The following RETREG1 variants were observed in gnomAD, a reference collection of about 807,000 sequenced individuals.
RETREG1 encodes the protein family with sequence similarity 134 member B.
Under a neutral mutation model 54.8 loss-of-function variants are expected in RETREG1, and 44 were observed. The observed-to-expected ratio is 0.80, with a 90% CI of 0.63 to 1.03. The LOEUF (loss-of-function observed/expected upper bound fraction) is 1.03. Among genes scored for constraint, RETREG1 ranks in the 50% least tolerant of loss-of-function variants. The pLI is 0.00. For synonymous variants in RETREG1, 217 were observed against 238.5 expected, an observed-to-expected ratio of 0.91 and a Z score of 0.83; for missense variants, 554 against 605.1, an observed-to-expected ratio of 0.92 and a Z score of 0.89.
chr5:16,520,433 G>C (rs942732856), intron 3 of RETREG1, among the ~76,000 whole-genome samples: 43 of 152,122 alleles, frequency 2.8e-4, no homozygotes, highest in Admixed American at 7.8e-4. Flanking sequence ...GCGTTCAAGC[G>C]ATTCTCCTGC....
intron 3 of RETREG1, among the ~76,000 whole-genome samples, chr5:16,485,770 G>A (rs553645095): frequency 6.6e-6 from 1 of 152,200 alleles, no homozygotes; most frequent in South Asian, 2.1e-4. Flanking sequence ...ATTTTCCACA[G>A]GGGACTTCAA....
chr5:16,575,637 G>A (rs989066507), intron 1 of RETREG1, among the ~76,000 whole-genome samples: 7 of 152,230 alleles, frequency 4.6e-5, no homozygotes, highest in Non-Finnish European at 1.0e-4. Flanking sequence ...AAGAGCACTC[G>A]GGATGTCTGT....
At chr5:16,551,888 AG>A (rs955897178) in intron 3 of RETREG1, among the ~76,000 whole-genome samples, 5 of 152,070 alleles carry the variant, frequency 3.3e-5, no homozygotes, top group Admixed American at 2.0e-4. Flanking sequence ...CAGCTTCTAG[AG>A]GCCACCTGTT....
rs553310360 is a variant in RETREG1 at position 16,473,214 on chromosome 5, T to C, written c.*1527A>G. The C allele has an allele frequency of 6.6e-6, 1 of 152,628 alleles. No homozygotes were observed. Among genetic ancestry groups the C allele is most frequent in the Non-Finnish European group, 1.5e-5 (1 of 67,992 alleles). The allele number at this position is 152,628 out of a possible 1,614,324, so 9.5% of individuals were successfully genotyped here. On this transcript the variant is annotated 3_prime_UTR_variant, in exon 9 of 9. Transcript: ENST00000306320. ...ATAATGAAGGCACAGGCTCACTTTG[T>C]ATCAATAAAGGACATCAAACACAGT... is the stretch of plus-strand genomic sequence containing the variant.
chr5:16,518,720 C>A, intron 3 of RETREG1, among the ~76,000 whole-genome samples: 1 of 152,200 alleles, frequency 6.6e-6, no homozygotes, highest in Non-Finnish European at 1.5e-5. Context: ...AGGATTTTTG[C>A]TCAAGTCAGA....
In RETREG1 at chr5:16,595,171, C is replaced by T. The variant is rs538048377; in HGVS notation, c.320+21481G>A. 2.4e-4 allele frequency among the ~76,000 whole-genome samples: 37 copies of T among 152,290 alleles called. 1 individual carries two copies. The South Asian group carries it at 6.6e-3, about 27-fold the overall frequency. ...GAGTCCCGTCAGGATGGCGGTCATG[C>T]GCAGTCTTGTACACGAGGCCCCCTA... On this transcript the variant is annotated intron_variant, in intron 1 of 8. Coordinates refer to ENST00000306320, the MANE Select transcript of RETREG1 (RefSeq NM_001034850.3).
intron 3 of RETREG1, among the ~76,000 whole-genome samples, chr5:16,532,643 T>A (rs1479640960): frequency 6.6e-6 from 1 of 152,240 alleles, no homozygotes; most frequent in African/African-American, 2.4e-5. Flanking sequence ...ACATGTCAGA[T>A]AATTGTGTGA....
chr5:16,615,227 C>T (rs865834335), intron 1 of RETREG1, among the ~76,000 whole-genome samples: 1 of 151,764 alleles, frequency 6.6e-6, no homozygotes, highest in African/African-American at 2.4e-5. Context: ...GAAACCCCGT[C>T]TCTACTAAAA....
At chr5:16,557,012 T>C in intron 3 of RETREG1, among the ~76,000 whole-genome samples, 1 of 152,166 alleles carries the variant, frequency 6.6e-6, no homozygotes, top group Non-Finnish European at 1.5e-5. Context: ...GTGTTTTTAG[T>C]AGAGACAGGG....
intron 1 of RETREG1, among the ~76,000 whole-genome samples, chr5:16,607,037 C>G (rs895860849): frequency 4.6e-5 from 7 of 152,126 alleles, no homozygotes; most frequent in Non-Finnish European, 7.3e-5. Flanking sequence ...TCCAGAGTTA[C>G]CTGCTTGGAT....
At chr5:16,565,990 A>G (rs1741997218) in intron 2 of RETREG1, among the ~76,000 whole-genome samples, 197 bp from the exon 3 acceptor site, 1 of 152,190 alleles carries the variant, frequency 6.6e-6, no homozygotes, top group South Asian at 2.1e-4. Context: ...ACTTATTGAG[A>G]TCCTACTACA....
intron 4 of RETREG1, among the ~76,000 whole-genome samples, chr5:16,482,390 A>G (rs1002733392): frequency 6.6e-6 from 1 of 151,952 alleles, no homozygotes; most frequent in African/African-American, 2.4e-5. Flanking sequence ...AATACATTTA[A>G]TCACTTCAGT....
At chr5:16,490,468 T>C (rs1739199399) in intron 3 of RETREG1, among the ~76,000 whole-genome samples, 1 of 152,202 alleles carries the variant, frequency 6.6e-6, no homozygotes, top group Non-Finnish European at 1.5e-5. Flanking sequence ...CAAAGGCAGT[T>C]TGTTAACAAT....
chr5:16,615,194 G>A (rs1191998592), intron 1 of RETREG1, among the ~76,000 whole-genome samples: 1 of 151,990 alleles, frequency 6.6e-6, no homozygotes, highest in Non-Finnish European at 1.5e-5. Flanking sequence ...TCAGGAGATC[G>A]AGACCATCCT....
chr5:16,555,147 T>A (rs1403216806), intron 3 of RETREG1, among the ~76,000 whole-genome samples: 1 of 151,010 alleles, frequency 6.6e-6, no homozygotes, highest in Non-Finnish European at 1.5e-5. Flanking sequence ...GGGTTGTCTA[T>A]TTATTAATTT....
rs886043753 is a variant in RETREG1 at position 16,475,053 on chromosome 5, A to G, written c.1182T>C (p.Ala394=). 3.2e-5 allele frequency: 51 copies of G among 1,613,848 alleles called. No individual in the cohort carries two copies. Among genetic ancestry groups the G allele is most frequent in the Non-Finnish European group, 4.2e-5 (49 of 1,179,928 alleles). ...CACTGTTCAGAGGAAGGGTGAGACC[A>G]GCTGCTGATTGCGTCTCTTTGCTTG... ...HRPSKETQSA[A]GLTLPLNSDQ... Residue 394 remains alanine (A), a synonymous_variant, in exon 9 of 9, where the codon GCT becomes GCC. Transcript: ENST00000306320.
chr5:16,497,764 A>C (rs551367661), intron 3 of RETREG1, among the ~76,000 whole-genome samples: 12 of 152,164 alleles, frequency 7.9e-5, no homozygotes, highest in Non-Finnish European at 1.6e-4. Context: ...TCTTTCCAGA[A>C]ATTTCCCAAC....
rs16868748 is a variant in RETREG1, at chr5:16,528,702, C to A, written c.458+37061G>T. On this transcript the variant is annotated intron_variant, in intron 3 of 8. Coordinates refer to ENST00000306320, the MANE Select transcript of RETREG1 (RefSeq NM_001034850.3). ...ATCCACTCACGTGAACACTATGCCT[C>A]CTTCAAAGCACCTGTCTGAAGAACA... Among the ~76,000 whole-genome samples, 974 of 152,290 alleles carry A rather than the reference C, an allele frequency of 6.4e-3. 7 individuals carry two copies. The highest frequency in any genetic ancestry group is 0.023 in the African/African-American group (937 of 41,558).
intron 3 of RETREG1, among the ~76,000 whole-genome samples, chr5:16,529,706 G>A (rs1050764365): frequency 2.0e-5 from 3 of 151,892 alleles, no homozygotes; most frequent in African/African-American, 2.4e-5. Context: ...AGCTATATCC[G>A]CTGGTTTGGT....
Sources: allele counts gnomAD v4.1 joint callset (sites outside exome capture counted in the v4.1 genomes callset), GRCh38; gene constraint gnomAD v4.1.1; transcripts MANE v1.5; gene names NCBI Gene and HGNC (gene_info 2026-07-23, HGNC 2026-07-21).